The following TRMT11 variants were observed in gnomAD, a reference collection of about 807,000 sequenced individuals.
TRMT11 encodes tRNA methyltransferase 11.
In TRMT11, 53 loss-of-function variants were observed where a neutral mutation model predicts 62.8. That is an observed-to-expected ratio of 0.84 (90% CI 0.68 to 1.06). The LOEUF (loss-of-function observed/expected upper bound fraction) is 1.06, where lower values mean the gene tolerates loss of function less well. TRMT11 is among the 50% of genes least tolerant of loss of function. The probability of loss-of-function intolerance (pLI) is 0.00; values close to 1 mark genes in which losing one functional copy is unlikely to be tolerated. For missense variants in TRMT11, 556 were observed against 553.4 expected (o/e 1.00, Z -0.05); for synonymous variants, 188 against 190.3 (o/e 0.99, Z 0.10).
chr6:126,070,905 G>A (rs969156419), intron 17 of TRMT11, among the ~76,000 whole-genome samples: 11 of 152,160 alleles, frequency 7.2e-5, no homozygotes, highest in Admixed American at 2.6e-4. Context: ...GAGTCAGACT[G>A]GTCTGACTCC....
At chr6:126,059,026 C>T (rs1363357262) in intron 17 of TRMT11, among the ~76,000 whole-genome samples, 1 of 150,204 alleles carries the variant, frequency 6.7e-6, no homozygotes, top group Non-Finnish European at 1.5e-5. Context: ...CCTTGCACCT[C>T]TTCTCTCTCT....
chr6:126,227,718 T>C, the TRMT11 span, among the ~76,000 whole-genome samples: 1 of 152,224 alleles, frequency 6.6e-6, no homozygotes, highest in African/African-American at 2.4e-5. Context: ...CGCAGAGGTC[T>C]TCCCACTTTA....
intron 12 of TRMT11, among the ~76,000 whole-genome samples, chr6:126,034,319 T>C (rs1377472157): frequency 6.6e-6 from 1 of 152,160 alleles, no homozygotes; most frequent in African/African-American, 2.4e-5. Context: ...TAAATAATTA[T>C]GTAATAACAC....
At chr6:126,120,933 G>A (rs1777642943) in intron 21 of TRMT11, among the ~76,000 whole-genome samples, 1 of 152,070 alleles carries the variant, frequency 6.6e-6, no homozygotes, top group Admixed American at 6.6e-5. Context: ...TGAAGAGCAG[G>A]TCTGGCCTCA....
At chr6:126,107,865 TAGA>T (rs771139362) in intron 17 of TRMT11, among the ~76,000 whole-genome samples, 195 of 152,312 alleles carry the variant, frequency 1.3e-3, no homozygotes, top group Non-Finnish European at 2.1e-3. Flanking sequence ...TGATTCATAT[TAGA>T]AGGAGAGCAA....
At chr6:126,154,339 ATGTGTGTGTG>A (rs66827988) in intron 21 of TRMT11, among the ~76,000 whole-genome samples, 2 of 122,846 alleles carry the variant, frequency 1.6e-5, no homozygotes, top group Admixed American at 8.1e-5. Flanking sequence ...GTGTGTGTGT[ATGTGTGTGTG>A]TGTGTGTGTG....
the TRMT11 span, chr6:126,258,428 G>A: frequency 3.0e-6 from 1 of 333,366 alleles, no homozygotes; most frequent in Non-Finnish European, 5.9e-6. Flanking sequence ...GCCCGGGTTA[G>A]CCTGCTGGCT....
chr6:126,176,543 C>T (rs114911403), upstream of TRMT11, among the ~76,000 whole-genome samples: 1 of 152,280 alleles, frequency 6.6e-6, no homozygotes, highest in African/African-American at 2.4e-5. Context: ...TTGAATACCT[C>T]CTGTGACCTA....
intron 12 of TRMT11, among the ~76,000 whole-genome samples, chr6:126,029,069 T>G (rs941040053): frequency 6.6e-6 from 1 of 152,132 alleles, no homozygotes; most frequent in African/African-American, 2.4e-5. Flanking sequence ...CTTTAGAGCT[T>G]CTTTTATAAT....
chr6:126,257,092 G>A, the TRMT11 span, among the ~76,000 whole-genome samples: 6 of 151,836 alleles, frequency 4.0e-5, no homozygotes, highest in Admixed American at 3.9e-4. Context: ...CACCATGTTG[G>A]CCAGGCTGAT....
chr6:126,224,479 CT>C, the TRMT11 span, among the ~76,000 whole-genome samples: 1 of 152,114 alleles, frequency 6.6e-6, no homozygotes, highest in Non-Finnish European at 1.5e-5. Context: ...AGGCCCATGG[CT>C]TTTTTCTTTG....
the TRMT11 span, chr6:126,257,871 CG>C: frequency 3.0e-6 from 4 of 1,314,096 alleles, no homozygotes; most frequent in Non-Finnish European, 3.3e-6. Context: ...GCTATGAGGT[CG>C]GGGGGACAGT....
intron 17 of TRMT11, among the ~76,000 whole-genome samples, chr6:126,084,356 C>A (rs1462762439): frequency 6.6e-6 from 1 of 152,048 alleles, no homozygotes; most frequent in Non-Finnish European, 1.5e-5. Flanking sequence ...TGTTGAGCAC[C>A]TTTTCATACA....
intron 2 of TRMT11, among the ~76,000 whole-genome samples, chr6:125,994,435 A>G (rs750132266): frequency 1.3e-5 from 2 of 152,046 alleles, no homozygotes; most frequent in Non-Finnish European, 2.9e-5. Context: ...TAACATAGCT[A>G]CATAATATTT....
intron 7 of TRMT11, among the ~76,000 whole-genome samples, chr6:126,003,001 A>T (rs1409265754): frequency 1.3e-5 from 2 of 152,004 alleles, no homozygotes; most frequent in Admixed American, 1.3e-4. Context: ...GCTTATCTTT[A>T]TTCTGTTTTA....
intron 18 of TRMT11, among the ~76,000 whole-genome samples, chr6:126,114,215 G>A (rs1021425803): frequency 6.6e-6 from 1 of 152,022 alleles, no homozygotes; most frequent in African/African-American, 2.4e-5. Context: ...TTCTTAATAC[G>A]GGTCGCAGCT....
intron 21 of TRMT11, among the ~76,000 whole-genome samples, chr6:126,146,156 C>T (rs941538108): frequency 6.6e-6 from 1 of 152,152 alleles, no homozygotes; most frequent in African/African-American, 2.4e-5. Context: ...TGCCAGTGAC[C>T]TTTGGGATAA....
intron 1 of TRMT11, among the ~76,000 whole-genome samples, chr6:126,189,163 T>C (rs1778564549): frequency 6.6e-6 from 1 of 152,152 alleles, no homozygotes; most frequent in South Asian, 2.1e-4. Flanking sequence ...TACTGATCTT[T>C]TATTTACCAA....
intron 17 of TRMT11, among the ~76,000 whole-genome samples, chr6:126,107,796 T>C (rs899788529): frequency 4.6e-5 from 7 of 152,178 alleles, no homozygotes; most frequent in African/African-American, 7.2e-5. Context: ...TAGAGAACTT[T>C]ATCAGATTTA....
Sources: allele counts gnomAD v4.1 joint callset (sites outside exome capture counted in the v4.1 genomes callset), GRCh38; gene constraint gnomAD v4.1.1; transcripts MANE v1.5; gene names NCBI Gene and HGNC (gene_info 2026-07-23, HGNC 2026-07-21).